RPH3AL: variants seen among roughly 807,000 people sequenced by gnomAD.
The protein encoded by RPH3AL is rab effector Noc2.
Under a neutral mutation model 43.1 loss-of-function variants are expected in RPH3AL, and 38 were observed. The ratio of observed to expected loss-of-function variants is 0.88; its 90% CI spans 0.68 to 1.15. RPH3AL has a LOEUF of 1.15. RPH3AL is among the 50% of genes most tolerant of loss of function. The pLI, the probability that RPH3AL is intolerant of heterozygous loss-of-function variation, is 0.00. For synonymous variants in RPH3AL, 189 were observed against 176.3 expected (o/e 1.07, Z -0.57); for missense variants, 462 against 423.2 (o/e 1.09, Z -0.81).
At chr17:292,295 C>T (rs916204159) in intron 5 of RPH3AL, among the ~76,000 whole-genome samples, 19 of 152,232 alleles carry the variant, frequency 1.2e-4, no homozygotes, top group Non-Finnish European at 2.9e-5. Context: ...AGGCTGGATA[C>T]AGCTCTGTTG....
intron 3 of RPH3AL, among the ~76,000 whole-genome samples, chr17:326,173 C>A (rs1320341303): frequency 1.3e-5 from 2 of 152,244 alleles, no homozygotes; most frequent in Non-Finnish European, 2.9e-5. Flanking sequence ...ACCTCACCCA[C>A]TGCGGGGGCC....
rs559372131 is a variant in RPH3AL at position 215,754 on chromosome 17, T to G, written c.776A>C (p.His259Pro). Residue 259 changes from histidine (H) to proline (P), a missense_variant, in exon 9 of 10, where the codon CAC (histidine) becomes CCC (proline). Transcript: ENST00000331302. The surrounding 1 kb of genome is among the most constrained non-coding windows in gnomAD (Gnocchi z 4.1). Reference sequence around the variant, plus strand: ...CAGGCTGCTCTGGCACCCAGAGAGGTGGCCCGGCGGGTGGGTGAACCCCAT... The same window carrying G: ...CAGGCTGCTCTGGCACCCAGAGAGGGGGCCCGGCGGGTGGGTGAACCCCAT... ...PRMGFTHPPG[H>P]LSGCQSSLAS... 9.2e-6 allele frequency: 12 copies of G among 1,305,900 alleles called. 1 individual carries two copies. In the African/African-American group the frequency reaches 1.9e-4, roughly 20 times the overall value. The allele number at this position is 1,305,900 out of a possible 1,614,324, so 80.9% of individuals were successfully genotyped here. A position where few individuals can be genotyped will look rare whatever the true frequency, so the allele number is the denominator to read the frequency against.
Position 213,786 on chromosome 17 carries a change from G to A in RPH3AL, c.*66C>T, listed in dbSNP as rs1486280351. The A allele has an allele frequency of 7.5e-7, 1 of 1,335,950 alleles. No individual in the cohort carries two copies. The highest frequency in any genetic ancestry group is 1.1e-6 in the Non-Finnish European group (1 of 938,190). The allele number at this position is 1,335,950 out of a possible 1,614,324, so 82.8% of individuals were successfully genotyped here. On this transcript the variant is annotated 3_prime_UTR_variant, in exon 10 of 10. Transcript: ENST00000331302. Reference sequence around the variant, plus strand: ...CTGGTGAGGGCACAAGGACCGGTCAGGGAGGAGCCGGGCAGGGTCTGGCAG... The same window carrying A: ...CTGGTGAGGGCACAAGGACCGGTCAAGGAGGAGCCGGGCAGGGTCTGGCAG...
intron 5 of RPH3AL, among the ~76,000 whole-genome samples, chr17:286,969 T>TCTCTCTCCACCGTCAGACCTCGCACC (rs1567615529): frequency 2.3e-3 from 256 of 111,970 alleles, no homozygotes; most frequent in Middle Eastern, 4.2e-3. Flanking sequence ...CCTCGCACCC[T>TCTCTCTCCACCGTCAGACCTCGCACC]CTCTCCACCG....
At chr17:272,775 C>CACACAT (rs2042505042) in intron 6 of RPH3AL, among the ~76,000 whole-genome samples, 1 of 151,300 alleles carries the variant, frequency 6.6e-6, no homozygotes, top group South Asian at 2.1e-4. Context: ...CACACACACA[C>CACACAT]ACACACACAC....
chr17:334,499 A>G (rs2044886925), intron 1 of RPH3AL, among the ~76,000 whole-genome samples: 1 of 150,390 alleles, frequency 6.6e-6, no homozygotes, highest in African/African-American at 2.5e-5. Context: ...GCGGAGGGAC[A>G]GGAACAAGGA....
rs1318221755 is a variant in RPH3AL at position 333,056 on chromosome 17, G to A, written c.-37+703C>T. 5 of 1,289,100 alleles carry A rather than the reference G, an allele frequency of 3.9e-6. No homozygotes were observed. In the East Asian group the frequency reaches 1.7e-4, roughly 43 times the overall value. The allele number at this position is 1,289,100 out of a possible 1,614,324, so 79.9% of individuals were successfully genotyped here. A position where few individuals can be genotyped will look rare whatever the true frequency, so the allele number is the denominator to read the frequency against. On this transcript the variant is annotated intron_variant, in intron 2 of 9. Transcript: ENST00000331302. This position sits in a 1 kb window ranked among gnomAD's most constrained non-coding sequence, Gnocchi z 4.5. ...CGGTAAAAACAACCCCTTCTTCCAG[G>A]AGGATGCAATTCTCTCTCTAAAGTC...
chr17:299,559 G>C (rs1014185277), intron 5 of RPH3AL, among the ~76,000 whole-genome samples: 3 of 152,306 alleles, frequency 2.0e-5, no homozygotes, highest in Middle Eastern at 6.8e-3. Context: ...GGAACAAGAC[G>C]GGCCAAGTCC....
At chr17:302,166 C>G (rs139384012) in intron 5 of RPH3AL, among the ~76,000 whole-genome samples, 2 of 152,220 alleles carry the variant, frequency 1.3e-5, no homozygotes, top group African/African-American at 4.8e-5. Flanking sequence ...CTGCGGACTG[C>G]GAGGCTGCAA....
chr17:303,404 C>T (rs75981981), intron 5 of RPH3AL, among the ~76,000 whole-genome samples: 6,035 of 149,926 alleles, frequency 0.04, 189 homozygotes, highest in South Asian at 0.091. Flanking sequence ...AAAACAATCA[C>T]GAAAAAAAAA....
intron 5 of RPH3AL, among the ~76,000 whole-genome samples, chr17:306,880 C>A (rs1171869448): frequency 6.6e-6 from 1 of 152,042 alleles, no homozygotes; most frequent in South Asian, 2.1e-4. Context: ...CTTCTCATGC[C>A]CCAGCATAAC....
At chr17:263,602 ATAT>A (rs1298063795) in intron 6 of RPH3AL, among the ~76,000 whole-genome samples, 5 of 152,198 alleles carry the variant, frequency 3.3e-5, no homozygotes, top group African/African-American at 1.2e-4. Context: ...TTGGATGCTG[ATAT>A]TATTAAATCC....
intron 3 of RPH3AL, among the ~76,000 whole-genome samples, chr17:326,052 T>C (rs1270115537): frequency 6.6e-6 from 1 of 152,216 alleles, no homozygotes; most frequent in Non-Finnish European, 1.5e-5. Flanking sequence ...TCAGGAGTCC[T>C]GCTGGGCCCT....
chr17:250,293 CCG>C (rs2041866896), intron 6 of RPH3AL, among the ~76,000 whole-genome samples: 1 of 107,798 alleles, frequency 9.3e-6, no homozygotes, highest in Admixed American at 9.0e-5. Context: ...TTACCAAGCT[CCG>C]TTGCTGCGGG....
At chr17:270,161 G>C (rs900191559) in intron 6 of RPH3AL, among the ~76,000 whole-genome samples, 6 of 152,154 alleles carry the variant, frequency 3.9e-5, no homozygotes, top group Admixed American at 2.6e-4. Flanking sequence ...AGACGGTGGG[G>C]TGCTCAGGCA....
Position 219,664 on chromosome 17 carries a change from C to G in RPH3AL, c.686G>C (p.Gly229Ala). ...TTTGTCGCCTTTCCGGTCCCTGACC[C>G]CAGTGGATGGGAGTCTGTCCTCTAG... ...SSLEDRLPST[G>A]VRDRKGDKPW... Residue 229 changes from glycine (G) to alanine (A), a missense_variant, in exon 8 of 10, where the codon GGG becomes GCG. Gly to Ala is a moderately conservative substitution (Grantham distance 60). Transcript: ENST00000331302. 6.2e-7 allele frequency: 1 copy of G among 1,613,678 alleles called. No homozygotes were observed.
At chr17:276,585 G>A (rs945894077) in intron 6 of RPH3AL, among the ~76,000 whole-genome samples, 1 of 152,170 alleles carries the variant, frequency 6.6e-6, no homozygotes, top group Non-Finnish European at 1.5e-5. Context: ...CAGAGAAAAA[G>A]TCTTGCCATA....
chr17:300,497 G>A (rs1241928864), intron 5 of RPH3AL, among the ~76,000 whole-genome samples: 1 of 12,476 alleles, frequency 8.0e-5, no homozygotes, highest in African/African-American at 5.3e-4. Flanking sequence ...TCTCTTACCC[G>A]CTCTAGCAGG....
At chr17:313,173 G>A (rs142600858) in intron 5 of RPH3AL, among the ~76,000 whole-genome samples, 2 of 152,160 alleles carry the variant, frequency 1.3e-5, no homozygotes, top group African/African-American at 4.8e-5. Flanking sequence ...AGAGGCTGAC[G>A]CTCTGTCTCA....
Sources: gnomAD v4.1 joint callset for allele counts (sites outside exome capture counted in the v4.1 genomes callset) on GRCh38, gnomAD v4.1.1 for gene constraint, Gnocchi (gnomAD v3.1) non-coding constraint, MANE v1.5 for transcripts, NCBI Gene and HGNC (gene_info 2026-07-23, HGNC 2026-07-21) for gene names.